RSL1D1: variants seen among roughly 807,000 people sequenced by gnomAD.
The protein encoded by RSL1D1 is ribosomal L1 domain-containing protein 1.
A neutral mutation model predicts 44.6 loss-of-function variants in RSL1D1; 34 were observed. The observed-to-expected ratio is 0.76, with a 90% CI of 0.58 to 1.02. RSL1D1 has a LOEUF of 1.02. Among genes scored for constraint, RSL1D1 ranks in the 50% least tolerant of loss-of-function variants. The pLI, the probability that RSL1D1 is intolerant of heterozygous loss-of-function variation, is 0.00. For synonymous variants in RSL1D1, 271 were observed against 207.4 expected (o/e 1.31, Z -2.63); for missense variants, 767 against 568.1 (o/e 1.35, Z -3.56).
At position 11,846,544 on chromosome 16, in the gene RSL1D1, T is replaced by C; in HGVS notation, c.592A>G (p.Ile198Val). ...KNLSREINDC[I>V]GGTVLNISKS... The stretch of plus-strand genomic sequence containing the variant: ...GAAATGTTTAAGACTGTTCCACCTA[T>C]ACAGTCATTGATCTCTCTTGATAAA... The change falls in exon 5 of 9, where the codon ATA becomes GTA. Residue 198 changes from isoleucine to valine, a missense_variant. Physicochemically the swap from Ile to Val is conservative, Grantham distance 29. Transcript: ENST00000571133. 1.2e-6 allele frequency: 2 copies of C among 1,606,894 alleles called. No homozygotes were observed. The highest frequency in any genetic ancestry group is 2.2e-5 in the East Asian group (1 of 44,856).
chr16:11,841,647 T>A, intron 7 of RSL1D1, 48 bp downstream of exon 7: 1 of 1,554,850 alleles, frequency 6.4e-7, no homozygotes, highest in Non-Finnish European at 8.8e-7. Flanking sequence ...AGTGACTGAA[T>A]TTACACCCTT....
chr16:11,848,145 TGA>T (rs777327454), intron 2 of RSL1D1, among the ~76,000 whole-genome samples: 8 of 151,976 alleles, frequency 5.3e-5, no homozygotes, highest in Non-Finnish European at 8.8e-5. Context: ...CCCAGCTACT[TGA>T]GAGTCTGAGG....
intron 5 of RSL1D1, among the ~76,000 whole-genome samples, chr16:11,845,320 ATG>A (rs1168510870): frequency 6.6e-6 from 1 of 152,156 alleles, no homozygotes; most frequent in Non-Finnish European, 1.5e-5. Context: ...AGGTATGGTG[ATG>A]TGTGTCTGTA....
In RSL1D1 at chr16:11,846,829, T is replaced by C. The variant is rs1405776973; in HGVS notation, c.399A>G (p.Gln133=). 1.2e-6 allele frequency: 2 copies of C among 1,609,638 alleles called. No homozygotes were observed. Among genetic ancestry groups the C allele is most frequent in the Non-Finnish European group, 1.7e-6 (2 of 1,176,302 alleles). ...IKTVSQIISL[Q]TLKKEYKSYE... ...AGGATTTATATTCCTTCTTTAGAGT[T>C]TGGAGGGAGATAATCTAGGAAGTAT... The change falls in exon 4 of 9, where the codon CAA becomes CAG. Residue 133 remains glutamine (Q), a synonymous_variant. Transcript: ENST00000571133.
At chr16:11,851,082 TTAAA>T (rs2053833961) in intron 1 of RSL1D1, 16 of 398,356 alleles carry the variant, frequency 4.0e-5, no homozygotes, top group South Asian at 3.5e-4. Flanking sequence ...AGGGCCCACT[TTAAA>T]TAACGGGTAA....
At chr16:11,848,741 G>A (rs549123356) in intron 2 of RSL1D1, among the ~76,000 whole-genome samples, 84 of 151,828 alleles carry the variant, frequency 5.5e-4, no homozygotes, top group African/African-American at 2.0e-3. Flanking sequence ...CAATCCACCT[G>A]CCTCAGCCTC....
At chr16:11,838,139 T>C in intron 8 of RSL1D1, 26 bp from the exon 9 acceptor site, 1 of 1,532,992 alleles carries the variant, frequency 6.5e-7, no homozygotes, top group Non-Finnish European at 8.8e-7. Context: ...GTAAGTTTAA[T>C]ATAGAAAAAG....
chr16:11,847,204 C>T (rs1162335404), intron 3 of RSL1D1, among the ~76,000 whole-genome samples: 3 of 151,954 alleles, frequency 2.0e-5, no homozygotes, highest in Admixed American at 6.6e-5. Context: ...GGTGAAACCT[C>T]GTCTCTATAA....
chr16:11,851,242 C>T, intron 1 of RSL1D1, 166 bp downstream of exon 1: 1 of 689,998 alleles, frequency 1.4e-6, no homozygotes, highest in Non-Finnish European at 2.6e-6. Flanking sequence ...AGCAGGCGCC[C>T]ACCCACGTGT....
intron 5 of RSL1D1, among the ~76,000 whole-genome samples, chr16:11,843,694 C>T (rs545522122): frequency 6.6e-6 from 1 of 151,530 alleles, no homozygotes; most frequent in African/African-American, 2.4e-5. Flanking sequence ...TGGTAAAACA[C>T]CGTCTCTACT....
At position 11,847,840 on chromosome 16, in the gene RSL1D1, A is replaced by G; in HGVS notation, c.246-34T>C. ...TACGTGAAAAGAAACCGAGGAAAGC[A>G]TTATTACACACATTATGCATGTTTG... On this transcript the variant is annotated intron_variant, in intron 2 of 8. Coordinates refer to ENST00000571133, the MANE Select transcript of RSL1D1 (RefSeq NM_015659.3). 1.9e-6 allele frequency: 3 copies of G among 1,600,962 alleles called. No individual in the cohort carries two copies. The South Asian group carries it at 3.3e-5, about 18-fold the overall frequency.
intron 8 of RSL1D1, among the ~76,000 whole-genome samples, chr16:11,839,293 G>A (rs1250969632): frequency 6.6e-6 from 1 of 151,292 alleles, no homozygotes; most frequent in Non-Finnish European, 1.5e-5. Context: ...TTGAACCAGG[G>A]AGGCGGAGGT....
Position 11,834,418 on chromosome 16 carries a change from T to C in RSL1D1, c.*3369A>G, listed in dbSNP as rs2053703080. 2 of 152,196 alleles carry C rather than the reference T, an allele frequency of 1.3e-5. No individual in the cohort carries two copies. 9.4% of individuals were successfully genotyped at this position (152,196 alleles called of 1,614,324 possible). On this transcript the variant is annotated 3_prime_UTR_variant, in exon 9 of 9. Coordinates refer to ENST00000571133, the MANE Select transcript of RSL1D1 (RefSeq NM_015659.3). ...ACAGAGAACATTATTAGAATGAAAC[T>C]AGATGCAAGAACAGGAAAGTAAACA...
chr16:11,838,475 T>C (rs1355602190), intron 8 of RSL1D1, among the ~76,000 whole-genome samples: 1 of 152,110 alleles, frequency 6.6e-6, no homozygotes, highest in East Asian at 1.9e-4. Flanking sequence ...GTTACTGTTT[T>C]TCAGCGCATG....
intron 7 of RSL1D1, 41 bp downstream of exon 7, chr16:11,841,654 C>A (rs1482098712): frequency 6.4e-7 from 1 of 1,564,922 alleles, no homozygotes. Context: ...GAATTTACAC[C>A]CTTCATTATT....
At chr16:11,838,547 T>A (rs751337432) in intron 8 of RSL1D1, among the ~76,000 whole-genome samples, 2 of 151,954 alleles carry the variant, frequency 1.3e-5, no homozygotes, top group African/African-American at 4.8e-5. Context: ...ATGACAGAAA[T>A]AAGCTGTATT....
chr16:11,841,528 T>G (rs931670413), intron 7 of RSL1D1, 167 bp downstream of exon 7: 1 of 589,698 alleles, frequency 1.7e-6, no homozygotes, highest in South Asian at 2.2e-5. Context: ...TCATGTAAAG[T>G]GACAAAAGCA....
rs2053732231 is a variant in RSL1D1, at chr16:11,837,766, C to CT, written c.*20dup. ...GCTCTGGAGGCAGCATTGAGGTTTC[C>CT]TTCCAGTTGAATCACTGACTTTAGG... On this transcript the variant is annotated 3_prime_UTR_variant, in exon 9 of 9. Transcript: ENST00000571133. The CT allele has an allele frequency of 1.3e-6, 2 of 1,579,434 alleles. No homozygotes were observed. Among genetic ancestry groups the CT allele is most frequent in the Non-Finnish European group, 1.7e-6 (2 of 1,162,398 alleles).
In RSL1D1 at chr16:11,838,118, GAAAA is replaced by G; in HGVS notation, c.1147-9_1147-6del. 6.9e-7 allele frequency: 1 copy of G among 1,457,368 alleles called. No homozygotes were observed. The allele number at this position is 1,457,368 out of a possible 1,614,324, so 90.3% of individuals were successfully genotyped here. On this transcript the variant is annotated splice_polypyrimidine_tract_variant and splice_region_variant and intron_variant, in intron 8 of 8. Coordinates refer to ENST00000571133, the MANE Select transcript of RSL1D1 (RefSeq NM_015659.3). ...TCCTGTGGCATGTTTTTGAATCTAAGAAAAAAAAAAGTAAGTTTAATATAGAAAA... is the reference window on the plus strand; with the variant it reads ...TCCTGTGGCATGTTTTTGAATCTAAGAAAAAAGTAAGTTTAATATAGAAAA...
Sources: allele counts gnomAD v4.1 joint callset (sites outside exome capture counted in the v4.1 genomes callset), GRCh38; gene constraint gnomAD v4.1.1; transcripts MANE v1.5; gene names NCBI Gene and HGNC (gene_info 2026-07-23, HGNC 2026-07-21).